Variants in KLF12 observed in about 807,000 individuals in gnomAD.
KLF12 encodes KLF transcription factor 12.
KLF12 carries 9 observed loss-of-function variants against 37.8 expected under a neutral mutation model. That is an observed-to-expected ratio of 0.24 (90% CI 0.14 to 0.42). The LOEUF is 0.42. KLF12 is among the 10% of genes least tolerant of loss of function. The probability of loss-of-function intolerance (pLI) is 1.00; values close to 1 mark genes in which losing one functional copy is unlikely to be tolerated. For synonymous variants in KLF12, 208 were observed against 202.1 expected (o/e 1.03, Z -0.25); for missense variants, 411 against 516.0 (o/e 0.80, Z 1.97).
At chr13:74,118,065 C>T (rs2138963446) in intron 1 of KLF12, among the ~76,000 whole-genome samples, 1 of 152,168 alleles carries the variant, frequency 6.6e-6, no homozygotes, top group Admixed American at 6.5e-5. Flanking sequence ...TGTCATTACA[C>T]ATTGTTAGTT....
At chr13:74,267,457 A>C in the KLF12 span, among the ~76,000 whole-genome samples, 4 of 152,360 alleles carry the variant, frequency 2.6e-5, no homozygotes, top group East Asian at 5.8e-4. Flanking sequence ...GGAGCTCATT[A>C]TGTGAAGTGC....
chr13:74,202,783 C>T, the KLF12 span, among the ~76,000 whole-genome samples: 2 of 152,260 alleles, frequency 1.3e-5, no homozygotes, highest in East Asian at 1.9e-4. Flanking sequence ...AGTTAGGCAA[C>T]CTCAGTAATC....
chr13:73,799,425 A>T (rs552608870), intron 5 of KLF12, among the ~76,000 whole-genome samples: 95 of 152,060 alleles, frequency 6.2e-4, no homozygotes, highest in African/African-American at 1.8e-3. Flanking sequence ...GAAATGAAAA[A>T]ATATATATAT....
the KLF12 span, among the ~76,000 whole-genome samples, chr13:74,266,663 G>A: frequency 3.3e-5 from 5 of 152,130 alleles, no homozygotes; most frequent in Non-Finnish European, 7.3e-5. Context: ...ATCAATAAAT[G>A]GATAGATACG....
chr13:73,999,270 CATT>C (rs1892205665), intron 1 of KLF12, among the ~76,000 whole-genome samples: 1 of 152,162 alleles, frequency 6.6e-6, no homozygotes, highest in Admixed American at 6.5e-5. Context: ...ATAAAGAAAG[CATT>C]ATTCTCCTAT....
the KLF12 span, among the ~76,000 whole-genome samples, chr13:74,246,596 A>G: frequency 6.6e-6 from 1 of 152,222 alleles, no homozygotes; most frequent in Non-Finnish European, 1.5e-5. Flanking sequence ...AACACAGACC[A>G]ATGTGAGGAA....
At chr13:74,070,321 A>C (rs1874156536) in intron 1 of KLF12, among the ~76,000 whole-genome samples, 1 of 152,198 alleles carries the variant, frequency 6.6e-6, no homozygotes, top group Non-Finnish European at 1.5e-5. Context: ...CAGGTAAACG[A>C]CCACTAGCCA....
the KLF12 span, among the ~76,000 whole-genome samples, chr13:74,223,649 C>T: frequency 6.6e-6 from 1 of 152,174 alleles, no homozygotes; most frequent in Non-Finnish European, 1.5e-5. Flanking sequence ...TCAGGGCAGT[C>T]AGTTCCCACC....
At chr13:73,888,166 C>A (rs986614461) in intron 3 of KLF12, among the ~76,000 whole-genome samples, 1 of 152,100 alleles carries the variant, frequency 6.6e-6, no homozygotes, top group Non-Finnish European at 1.5e-5. Flanking sequence ...CCAAGCCTAG[C>A]TAATCTTCTG....
At position 73,879,825 on chromosome 13, in the gene KLF12, C is replaced by T. The variant is rs567026470; in HGVS notation, c.124-33452G>A. Among the ~76,000 whole-genome samples, 105 of 152,294 alleles carry T rather than the reference C, an allele frequency of 6.9e-4. 1 individual carries two copies. The highest frequency in any genetic ancestry group is 2.5e-3 in the African/African-American group (102 of 41,554). ...TCATTTGCATATCCCCCTCCAGCTG[C>T]TTTTGCACTACCTACTCAGCAGAGC... is the stretch of plus-strand genomic sequence containing the variant. On this transcript the variant is annotated intron_variant, in intron 3 of 7. Transcript: ENST00000377669.
the KLF12 span, among the ~76,000 whole-genome samples, chr13:74,174,440 C>T: frequency 2.0e-5 from 3 of 151,114 alleles, no homozygotes; most frequent in East Asian, 5.9e-4. Context: ...CGGGGTTTCA[C>T]GGTGTTAGCC....
intron 7 of KLF12, among the ~76,000 whole-genome samples, chr13:73,700,480 AACAT>A (rs1240172716): frequency 6.6e-6 from 1 of 152,008 alleles, no homozygotes; most frequent in Non-Finnish European, 1.5e-5. Flanking sequence ...TCCTTATAAA[AACAT>A]ACACTTTTAC....
At chr13:73,862,179 C>T (rs1252214515) in intron 3 of KLF12, among the ~76,000 whole-genome samples, 3 of 151,782 alleles carry the variant, frequency 2.0e-5, no homozygotes, top group Middle Eastern at 3.2e-3. Context: ...TTCCAGACAT[C>T]AGCCCATGTG....
the KLF12 span, among the ~76,000 whole-genome samples, chr13:74,213,067 C>T: frequency 3.9e-5 from 6 of 152,058 alleles, no homozygotes. Context: ...GAAAACTGCA[C>T]ACATATATCA....
At chr13:73,960,615 C>T (rs1890994135) in intron 2 of KLF12, among the ~76,000 whole-genome samples, 1 of 152,106 alleles carries the variant, frequency 6.6e-6, no homozygotes, top group Non-Finnish European at 1.5e-5. Context: ...TACACACTGT[C>T]CCATATATAC....
chr13:73,816,335 A>C (rs991210014), intron 4 of KLF12, among the ~76,000 whole-genome samples: 2 of 152,240 alleles, frequency 1.3e-5, no homozygotes, highest in Admixed American at 1.3e-4. Flanking sequence ...AGCCTCTGTA[A>C]GTAAGAGAAC....
chr13:73,893,026 GAAAA>G (rs137984991), intron 3 of KLF12, among the ~76,000 whole-genome samples: 1 of 134,772 alleles, frequency 7.4e-6, no homozygotes, highest in Non-Finnish European at 1.6e-5. Context: ...CTTTGAAAGA[GAAAA>G]AAAAAAAAAC....
At chr13:74,191,461 T>C in the KLF12 span, among the ~76,000 whole-genome samples, 1 of 152,226 alleles carries the variant, frequency 6.6e-6, no homozygotes, top group Non-Finnish European at 1.5e-5. Context: ...CATCAATGCA[T>C]TCTGATGTAA....
At chr13:74,067,068 A>G (rs1873960647) in intron 1 of KLF12, among the ~76,000 whole-genome samples, 1 of 152,180 alleles carries the variant, frequency 6.6e-6, no homozygotes, top group South Asian at 2.1e-4. Context: ...AAGCCCTCCT[A>G]CCAAGGATTA....
Sources: gnomAD v4.1 joint callset for allele counts (sites outside exome capture counted in the v4.1 genomes callset) on GRCh38, gnomAD v4.1.1 for gene constraint, MANE v1.5 for transcripts, NCBI Gene and HGNC (gene_info 2026-07-23, HGNC 2026-07-21) for gene names.